MDGA2: variants seen among roughly 807,000 people sequenced by gnomAD.
The protein encoded by MDGA2 is MAM domain-containing glycosylphosphatidylinositol anchor protein 2.
MDGA2 carries 40 observed loss-of-function variants against 117.8 expected under a neutral mutation model. The ratio of observed to expected loss-of-function variants is 0.34; its 90% CI spans 0.26 to 0.44. The LOEUF is 0.44. MDGA2 is among the 20% of genes least tolerant of loss of function. MDGA2 has a pLI of 1.00. For missense variants in MDGA2, 1,123 were observed against 1,250.6 expected (o/e 0.90, Z 1.54); for synonymous variants, 452 against 439.0 (o/e 1.03, Z -0.37).
At position 47,553,242 on chromosome 14, in the gene MDGA2, G is replaced by A. The variant is rs540413557; in HGVS notation, c.280+121275C>T. ...CCGCTAGAATGTGAACTTTCTGAGG[G>A]CAAAGAATTTTGTGTACTTTTTCAC... is the stretch of plus-strand genomic sequence containing the variant. On this transcript the variant is annotated intron_variant, in intron 1 of 16. Coordinates refer to ENST00000399232, the MANE Select transcript of MDGA2 (RefSeq NM_001113498.3). Among the ~76,000 whole-genome samples, 3 of 152,304 alleles carry A rather than the reference G, an allele frequency of 2.0e-5. No homozygotes were observed. In the South Asian group the frequency reaches 6.2e-4, roughly 32 times the overall value.
intron 1 of MDGA2, among the ~76,000 whole-genome samples, chr14:47,595,243 A>G (rs1273880515): frequency 1.3e-5 from 2 of 151,954 alleles, no homozygotes; most frequent in Non-Finnish European, 2.9e-5. Flanking sequence ...TTAGAGAAAA[A>G]AAAAAAGAAA....
At position 46,855,296 on chromosome 14, in the gene MDGA2, C is replaced by G; in HGVS notation, c.2753-142G>C. On this transcript the variant is annotated intron_variant, in intron 14 of 16. Transcript: ENST00000399232. This position sits in a 1 kb window ranked among gnomAD's most constrained non-coding sequence, Gnocchi z 4.1. Reference sequence around the variant, plus strand: ...TTGTCCTCTCTTCTCCTCTCATTTCCTATCTTGCTCTTATGACATTTGACA... The same window carrying G: ...TTGTCCTCTCTTCTCCTCTCATTTCGTATCTTGCTCTTATGACATTTGACA... 1.7e-6 allele frequency: 1 copy of G among 599,768 alleles called. No homozygotes were observed. Among genetic ancestry groups the G allele is most frequent in the South Asian group, 2.5e-5 (1 of 40,314 alleles). 37.2% of individuals were successfully genotyped at this position (599,768 alleles called of 1,614,324 possible). A position where few individuals can be genotyped will look rare whatever the true frequency, so the allele number is the denominator to read the frequency against.
At chr14:47,389,597 C>G (rs1455823347) in intron 1 of MDGA2, among the ~76,000 whole-genome samples, 1 of 54,214 alleles carries the variant, frequency 1.8e-5, no homozygotes, top group African/African-American at 5.2e-5. Flanking sequence ...AAAACACACA[C>G]ACACACACCC....
intron 3 of MDGA2, among the ~76,000 whole-genome samples, chr14:47,148,719 T>C (rs116100509): frequency 0.028 from 4,248 of 152,252 alleles, 172 homozygotes; most frequent in African/African-American, 0.097. Context: ...TGCTATGGTG[T>C]TTCGGGGTTC....
chr14:46,888,636 A>G (rs1882759596), intron 10 of MDGA2, among the ~76,000 whole-genome samples: 1 of 152,044 alleles, frequency 6.6e-6, no homozygotes, highest in African/African-American at 2.4e-5. Context: ...ATAAGAAACA[A>G]AATTGACTAA....
At chr14:47,647,518 T>C (rs1897557380) in intron 1 of MDGA2, among the ~76,000 whole-genome samples, 1 of 152,162 alleles carries the variant, frequency 6.6e-6, no homozygotes, top group Admixed American at 6.5e-5. Flanking sequence ...TTCATCCTAG[T>C]TGATCAAAAC....
chr14:47,206,421 T>C (rs922366961), intron 3 of MDGA2, among the ~76,000 whole-genome samples: 9 of 151,512 alleles, frequency 5.9e-5, no homozygotes, highest in African/African-American at 1.9e-4. Context: ...TGAGACCTCG[T>C]CTGTACAGAA....
At chr14:46,947,647 T>C (rs1000232787) in intron 9 of MDGA2, among the ~76,000 whole-genome samples, 6 of 152,012 alleles carry the variant, frequency 3.9e-5, no homozygotes, top group Non-Finnish European at 8.8e-5. Flanking sequence ...CTCTCTCTCT[T>C]TGCCTGCTGC....
chr14:47,360,280 G>A (rs897077511), intron 1 of MDGA2, among the ~76,000 whole-genome samples: 9 of 151,974 alleles, frequency 5.9e-5, no homozygotes, highest in Non-Finnish European at 1.2e-4. Context: ...CAACCTGGGA[G>A]GCGGAGGTTG....
chr14:46,910,791 C>T (rs953729905), intron 10 of MDGA2, among the ~76,000 whole-genome samples: 3 of 152,168 alleles, frequency 2.0e-5, no homozygotes, highest in Non-Finnish European at 4.4e-5. Flanking sequence ...GGTACATATG[C>T]ACCAAGGAAT....
At chr14:47,651,213 GGTGTGTGT>G (rs56853118) in intron 1 of MDGA2, among the ~76,000 whole-genome samples, 13,310 of 146,346 alleles carry the variant, frequency 0.091, 887 homozygotes, top group African/African-American at 0.19. Context: ...GTGTGCATGT[GGTGTGTGT>G]GTGTGTGTGT....
At chr14:47,055,005 T>TTC (rs1295426264) in intron 7 of MDGA2, among the ~76,000 whole-genome samples, 4 of 144,980 alleles carry the variant, frequency 2.8e-5, no homozygotes, top group African/African-American at 7.8e-5. Context: ...TTCTTTTCTT[T>TTC]TTTTTTTTTT....
At chr14:47,663,243 T>C (rs536793046) in intron 1 of MDGA2, among the ~76,000 whole-genome samples, 12 of 152,334 alleles carry the variant, frequency 7.9e-5, no homozygotes, top group Admixed American at 2.0e-4. Context: ...GTACTGTGTG[T>C]CTTTGCTTAA....
chr14:47,623,997 T>C (rs975716741), intron 1 of MDGA2, among the ~76,000 whole-genome samples: 23 of 152,242 alleles, frequency 1.5e-4, no homozygotes, highest in African/African-American at 5.5e-4. Context: ...CATTGTATGC[T>C]CAGGAGGTTA....
chr14:46,858,026 C>G (rs1005689315), intron 14 of MDGA2, among the ~76,000 whole-genome samples: 2 of 151,376 alleles, frequency 1.3e-5, no homozygotes, highest in Admixed American at 6.6e-5. Context: ...ATATATAAAT[C>G]CTTAAATATA....
intron 8 of MDGA2, among the ~76,000 whole-genome samples, chr14:47,011,628 A>C (rs1366359928): frequency 6.6e-6 from 1 of 151,970 alleles, no homozygotes; most frequent in African/African-American, 2.4e-5. Context: ...TATATTTTTT[A>C]ATTTATTTAA....
intron 9 of MDGA2, among the ~76,000 whole-genome samples, chr14:46,924,702 A>T (rs1884261391): frequency 6.6e-6 from 1 of 152,160 alleles, no homozygotes; most frequent in Admixed American, 6.5e-5. Flanking sequence ...AAACTCATAC[A>T]GACAACAAAT....
rs568799946 is a variant in MDGA2, at chr14:47,108,230, A to G, written c.926-11107T>C. ...ACAGGGTACAGCCCATTTAAGGTCC[A>G]TAACACCCCCCAAAAAATTTTCGCC... On this transcript the variant is annotated intron_variant, in intron 5 of 16. Transcript: ENST00000399232. Among the ~76,000 whole-genome samples the G allele has an allele frequency of 5.3e-5, 8 of 152,272 alleles. No homozygotes were observed. In the South Asian group the frequency reaches 6.2e-4, roughly 12 times the overall value.
At chr14:47,206,416 C>A (rs560646154) in intron 3 of MDGA2, among the ~76,000 whole-genome samples, 16 of 151,672 alleles carry the variant, frequency 1.1e-4, no homozygotes, top group Non-Finnish European at 1.8e-4. Context: ...CAGAGTGAGA[C>A]CTCGTCTGTA....
Sources: gnomAD v4.1 joint callset for allele counts (sites outside exome capture counted in the v4.1 genomes callset) on GRCh38, gnomAD v4.1.1 for gene constraint, Gnocchi (gnomAD v3.1) non-coding constraint, MANE v1.5 for transcripts, NCBI Gene and HGNC (gene_info 2026-07-23, HGNC 2026-07-21) for gene names.